The following THSD7A variants were observed in gnomAD, a reference collection of about 807,000 sequenced individuals.
THSD7A encodes the protein thrombospondin type 1 domain containing 7A.
A neutral mutation model predicts 231.3 loss-of-function variants in THSD7A; 96 were observed. That is an observed-to-expected ratio of 0.41 (90% CI 0.35 to 0.49). The LOEUF is 0.49. Ranked by LOEUF, THSD7A falls within the 20% of genes least tolerant of loss-of-function variation. The pLI is 0.05. For synonymous variants in THSD7A, 940 were observed against 743.3 expected (o/e 1.26, Z -4.30); for missense variants, 2,290 against 2,070.2 (o/e 1.11, Z -2.06).
intron 6 of THSD7A, among the ~76,000 whole-genome samples, chr7:11,514,829 G>A (rs1048420478): frequency 2.6e-5 from 4 of 152,002 alleles, no homozygotes; most frequent in African/African-American, 9.7e-5. Flanking sequence ...TCTATTCTTT[G>A]GAAGAACATA....
At chr7:11,422,424 T>C (rs1358003614) in intron 16 of THSD7A, among the ~76,000 whole-genome samples, 1 of 151,982 alleles carries the variant, frequency 6.6e-6, no homozygotes, top group African/African-American at 2.4e-5. Context: ...TTAAGGGAAG[T>C]GTACTACTCA....
rs1781758216 is a variant in THSD7A, at chr7:11,634,328, A to C, written c.1022+1802T>G. 6.6e-6 allele frequency among the ~76,000 whole-genome samples: 1 copy of C among 152,170 alleles called. No individual in the cohort carries two copies. Among genetic ancestry groups the C allele is most frequent in the South Asian group, 2.1e-4 (1 of 4,822 alleles). The stretch of plus-strand genomic sequence containing the variant: ...CAACTGGATGAGAATATTAGGCTCT[A>C]TGCAATGGTAGCTACTAACCTAATT... On this transcript the variant is annotated intron_variant, in intron 2 of 27. Coordinates refer to ENST00000423059, the MANE Select transcript of THSD7A (RefSeq NM_015204.3). The surrounding 1 kb of genome is among the most constrained non-coding windows in gnomAD (Gnocchi z 4.1).
chr7:11,581,635 T>G (rs1390674586), intron 4 of THSD7A, among the ~76,000 whole-genome samples: 1 of 152,118 alleles, frequency 6.6e-6, no homozygotes, highest in African/African-American at 2.4e-5. Flanking sequence ...GTAACATGAT[T>G]GCTTCTGAAT....
chr7:11,490,679 T>C (rs926744163), intron 6 of THSD7A, among the ~76,000 whole-genome samples: 1 of 152,086 alleles, frequency 6.6e-6, no homozygotes, highest in Non-Finnish European at 1.5e-5. Context: ...TAGTTCTTTC[T>C]TGTGATTTCA....
chr7:11,826,852 T>C (rs532514980), intron 1 of THSD7A, among the ~76,000 whole-genome samples: 32 of 151,830 alleles, frequency 2.1e-4, no homozygotes, highest in African/African-American at 7.0e-4. Flanking sequence ...CCATTAACAC[T>C]TATTAGTAAC....
chr7:11,378,108 A>ATATT (rs1311417264), intron 26 of THSD7A: 1 of 152,182 alleles, frequency 6.6e-6, no homozygotes, highest in African/African-American at 2.4e-5. Flanking sequence ...TAAAAATCCA[A>ATATT]TATTTATTCT....
At position 11,814,595 on chromosome 7, in the gene THSD7A, G is replaced by A. The variant is rs28385373; in HGVS notation, c.190+17162C>T. Among the ~76,000 whole-genome samples the A allele has an allele frequency of 0.1, 15,865 of 152,042 alleles. 2,572 individuals are homozygous for A. Among genetic ancestry groups the A allele is most frequent in the African/African-American group, 0.35 (14,330 of 41,382 alleles). The stretch of plus-strand genomic sequence containing the variant: ...GAAGGACCACCTTGTCTGCTTCATA[G>A]TATTTATTCTCTTCTTGTGGAACTT... On this transcript the variant is annotated intron_variant, in intron 1 of 27. Coordinates refer to ENST00000423059, the MANE Select transcript of THSD7A (RefSeq NM_015204.3). The surrounding 1 kb of genome is among the most constrained non-coding windows in gnomAD (Gnocchi z 5.1).
chr7:11,751,983 A>G (rs765035142), intron 1 of THSD7A, among the ~76,000 whole-genome samples: 3 of 152,114 alleles, frequency 2.0e-5, no homozygotes, highest in Non-Finnish European at 4.4e-5. Context: ...TGAAGTACTC[A>G]AACAATTTCA....
At chr7:11,616,196 A>T (rs1562771867) in intron 2 of THSD7A, among the ~76,000 whole-genome samples, 1 of 152,114 alleles carries the variant, frequency 6.6e-6, no homozygotes, top group Non-Finnish European at 1.5e-5. Flanking sequence ...AATTTTCAAC[A>T]TTATTAATGT....
rs115541234 is a variant in THSD7A, at chr7:11,419,596, A to G, written c.3384-1993T>C. Among the ~76,000 whole-genome samples the G allele has an allele frequency of 6.8e-3, 1,042 of 152,318 alleles. 18 individuals are homozygous for G. Among genetic ancestry groups the G allele is most frequent in the African/African-American group, 0.024 (992 of 41,566 alleles). Reference sequence around the variant, plus strand: ...AAACAGACTAATACAGAAAATTGGTACAAAAGAAGTGTAGCATTGCTATAA... The same window carrying G: ...AAACAGACTAATACAGAAAATTGGTGCAAAAGAAGTGTAGCATTGCTATAA... On this transcript the variant is annotated intron_variant, in intron 16 of 27. Transcript: ENST00000423059.
chr7:11,499,953 T>G (rs1056303722), intron 6 of THSD7A, among the ~76,000 whole-genome samples: 4 of 152,144 alleles, frequency 2.6e-5, no homozygotes, highest in African/African-American at 9.7e-5. Flanking sequence ...ACAGTCAAAT[T>G]CAGGAAATTA....
At chr7:11,520,056 CT>C (rs1203557827) in intron 6 of THSD7A, 1 of 152,142 alleles carries the variant, frequency 6.6e-6, no homozygotes, top group Non-Finnish European at 1.5e-5. Context: ...TATTAGAACC[CT>C]TTGTATCCTG....
chr7:11,540,901 G>A (rs560025249), intron 6 of THSD7A, among the ~76,000 whole-genome samples: 25 of 152,242 alleles, frequency 1.6e-4, no homozygotes, highest in Admixed American at 3.9e-4. Flanking sequence ...GCAAAAGGTC[G>A]GTTCAGGAAC....
In THSD7A at chr7:11,371,947, G is replaced by C. The variant is rs1782071152; in HGVS notation, c.*3847C>G. The C allele has an allele frequency of 6.6e-6, 1 of 151,622 alleles. No individual in the cohort carries two copies. The allele number at this position is 151,622 out of a possible 1,614,324, so 9.4% of individuals were successfully genotyped here. A position where few individuals can be genotyped will look rare whatever the true frequency, so the allele number is the denominator to read the frequency against. ...GTTTAGTGGGAAGTAGGTAAGAATAGCTGTCAAGAGTAGAAAGAGACCAAG... is the reference window on the plus strand; with the variant it reads ...GTTTAGTGGGAAGTAGGTAAGAATACCTGTCAAGAGTAGAAAGAGACCAAG... On this transcript the variant is annotated 3_prime_UTR_variant, in exon 28 of 28. Coordinates refer to ENST00000423059, the MANE Select transcript of THSD7A (RefSeq NM_015204.3).
chr7:11,581,417 C>G (rs1357068527), intron 4 of THSD7A, among the ~76,000 whole-genome samples: 2 of 152,012 alleles, frequency 1.3e-5, no homozygotes, highest in Non-Finnish European at 2.9e-5. Flanking sequence ...GTACCAGACA[C>G]CAATATACAC....
At chr7:11,695,462 A>C (rs536896222) in intron 1 of THSD7A, among the ~76,000 whole-genome samples, 5 of 151,584 alleles carry the variant, frequency 3.3e-5, no homozygotes, top group African/African-American at 1.2e-4. Context: ...AAACAAGCAA[A>C]TATTGACTTC....
intron 1 of THSD7A, among the ~76,000 whole-genome samples, chr7:11,738,327 G>A (rs994681872): frequency 3.3e-5 from 5 of 151,952 alleles, no homozygotes; most frequent in Non-Finnish European, 7.4e-5. Flanking sequence ...TCAGATTTCA[G>A]TGTTTTCTGA....
intron 4 of THSD7A, among the ~76,000 whole-genome samples, chr7:11,581,076 C>T (rs1414212489): frequency 6.6e-6 from 1 of 152,010 alleles, no homozygotes; most frequent in Non-Finnish European, 1.5e-5. Context: ...GGAGAATGAA[C>T]ATAGAATGAG....
Position 11,400,174 on chromosome 7 carries a change from G to C in THSD7A, c.4411+1621C>G, listed in dbSNP as rs58824217. Among the ~76,000 whole-genome samples the C allele has an allele frequency of 6.6e-5, 8 of 120,958 alleles. 1 individual carries two copies. The highest frequency in any genetic ancestry group is 9.6e-5 in the Admixed American group (1 of 10,468). The allele number at this position is 120,958 out of a possible 152,430, so 79.4% of individuals were successfully genotyped here. On this transcript the variant is annotated intron_variant, in intron 23 of 27. Coordinates refer to ENST00000423059, the MANE Select transcript of THSD7A (RefSeq NM_015204.3). ...TGCGGCCTGTTATGGGGTCGGGGGA[G>C]GGGGGAGGGATAGCATTAGAAGATA...
Sources: gnomAD v4.1 joint callset for allele counts (sites outside exome capture counted in the v4.1 genomes callset) on GRCh38, gnomAD v4.1.1 for gene constraint, Gnocchi (gnomAD v3.1) non-coding constraint, MANE v1.5 for transcripts, NCBI Gene and HGNC (gene_info 2026-07-23, HGNC 2026-07-21) for gene names.